GALNTL6: variants seen among roughly 807,000 people sequenced by gnomAD.
GALNTL6 encodes polypeptide N-acetylgalactosaminyltransferase like 6.
Under a neutral mutation model 73.7 loss-of-function variants are expected in GALNTL6, and 46 were observed. That is an observed-to-expected ratio of 0.62 (90% CI 0.49 to 0.80). GALNTL6 has a LOEUF of 0.80. Among genes scored for constraint, GALNTL6 ranks in the 30% least tolerant of loss-of-function variants. The probability of loss-of-function intolerance (pLI) is 0.00; values close to 1 mark genes in which losing one functional copy is unlikely to be tolerated. For missense variants in GALNTL6, 604 were observed against 755.0 expected (o/e 0.80, Z 2.34); for synonymous variants, 259 against 263.7 (o/e 0.98, Z 0.17).
intron 5 of GALNTL6, among the ~76,000 whole-genome samples, chr4:172,727,275 T>C (rs569154311): frequency 1.3e-5 from 2 of 152,310 alleles, no homozygotes; most frequent in South Asian, 4.1e-4. Context: ...TCTAAATTCA[T>C]CTGCAGAAAG....
At chr4:172,227,083 A>C (rs1246166560) in intron 2 of GALNTL6, among the ~76,000 whole-genome samples, 3 of 152,052 alleles carry the variant, frequency 2.0e-5, no homozygotes, top group Non-Finnish European at 2.9e-5. Flanking sequence ...ATTCATACTC[A>C]TGAGTGAAGT....
At chr4:172,334,489 C>A (rs1741239644) in intron 4 of GALNTL6, among the ~76,000 whole-genome samples, 1 of 152,018 alleles carries the variant, frequency 6.6e-6, no homozygotes, top group Non-Finnish European at 1.5e-5. Flanking sequence ...TTCTTAGCAT[C>A]TTTTTTACAG....
intron 5 of GALNTL6, among the ~76,000 whole-genome samples, chr4:172,628,092 T>TA (rs1256232266): frequency 2.6e-5 from 4 of 152,100 alleles, no homozygotes; most frequent in Non-Finnish European, 5.9e-5. Flanking sequence ...TATAGGAATA[T>TA]AAAAAAACTG....
chr4:172,748,838 T>C (rs955983771), intron 5 of GALNTL6, among the ~76,000 whole-genome samples: 2 of 152,246 alleles, frequency 1.3e-5, no homozygotes, highest in African/African-American at 4.8e-5. Context: ...CATTCCATAA[T>C]GTATACAGGT....
chr4:171,936,354 AT>A lies in GALNTL6; in HGVS notation c.138+121645del, dbSNP rs917180837. 5.4e-4 allele frequency among the ~76,000 whole-genome samples: 81 copies of A among 151,130 alleles called. 1 individual carries two copies. Among genetic ancestry groups the A allele is most frequent in the African/African-American group, 3.2e-4 (13 of 41,150 alleles). On this transcript the variant is annotated intron_variant, in intron 2 of 12. Transcript: ENST00000506823. ...CTTAATTGGAGGTGTCCTAGAAGCTATTTTTTTTTCTTCTGCTTTAGCTGTT... is the reference window on the plus strand; with the variant it reads ...CTTAATTGGAGGTGTCCTAGAAGCTATTTTTTTTCTTCTGCTTTAGCTGTT...
intron 5 of GALNTL6, among the ~76,000 whole-genome samples, chr4:172,639,507 T>C (rs989884908): frequency 2.6e-5 from 4 of 152,134 alleles, no homozygotes; most frequent in African/African-American, 9.7e-5. Context: ...GATTAAAAAA[T>C]ACATAAGCAA....
At chr4:172,183,164 A>C (rs560959556) in intron 2 of GALNTL6, among the ~76,000 whole-genome samples, 270 of 152,344 alleles carry the variant, frequency 1.8e-3, no homozygotes, top group African/African-American at 5.9e-3. Flanking sequence ...CAATCTGTGA[A>C]TATTATCAAA....
intron 2 of GALNTL6, among the ~76,000 whole-genome samples, chr4:171,950,178 C>A (rs769691695): frequency 6.6e-6 from 1 of 152,100 alleles, no homozygotes; most frequent in Non-Finnish European, 1.5e-5. Context: ...TAACAGTCAA[C>A]TTAGAATTGT....
chr4:171,837,263 A>G (rs921692743), intron 2 of GALNTL6, among the ~76,000 whole-genome samples: 81 of 152,290 alleles, frequency 5.3e-4, no homozygotes, highest in African/African-American at 1.8e-3. Context: ...AAGGGTTGGC[A>G]TCAGGAAAAT....
chr4:172,767,667 C>CTTTTTTTTTTT (rs1553986523), intron 5 of GALNTL6, among the ~76,000 whole-genome samples: 1 of 118,098 alleles, frequency 8.5e-6, no homozygotes, highest in Non-Finnish European at 1.7e-5. Context: ...GATTTTTTTT[C>CTTTTTTTTTTT]TTTTTTTTTT....
intron 8 of GALNTL6, among the ~76,000 whole-genome samples, chr4:172,902,361 TAATTAGG>T (rs1357646448): frequency 1.3e-5 from 2 of 152,166 alleles, no homozygotes; most frequent in Non-Finnish European, 2.9e-5. Flanking sequence ...CAATGAACAC[TAATTAGG>T]CACCCACAAG....
chr4:171,923,398 G>GTTTT (rs565298275), intron 2 of GALNTL6, among the ~76,000 whole-genome samples: 1,740 of 124,278 alleles, frequency 0.014, 75 homozygotes, highest in African/African-American at 0.043. Context: ...CCCTGACTTT[G>GTTTT]TTTTTTTTTT....
chr4:172,824,016 T>C (rs2111031648), intron 7 of GALNTL6, among the ~76,000 whole-genome samples: 1 of 152,206 alleles, frequency 6.6e-6, no homozygotes, highest in South Asian at 2.1e-4. Context: ...AAATCCATGC[T>C]CGAGAGCAGG....
At chr4:172,951,352 C>G (rs184321634) in intron 9 of GALNTL6, among the ~76,000 whole-genome samples, 3 of 152,214 alleles carry the variant, frequency 2.0e-5, no homozygotes, top group Non-Finnish European at 4.4e-5. Flanking sequence ...TACACTGAAT[C>G]CATACACTCT....
chr4:172,996,163 G>GACACAC (rs10658403), intron 10 of GALNTL6, among the ~76,000 whole-genome samples: 33 of 148,302 alleles, frequency 2.2e-4, no homozygotes, highest in African/African-American at 6.7e-4. Flanking sequence ...AAGAAAATGT[G>GACACAC]ACACACACAC....
chr4:172,930,201 A>T (rs1748258272), intron 8 of GALNTL6, among the ~76,000 whole-genome samples: 1 of 152,096 alleles, frequency 6.6e-6, no homozygotes, highest in Non-Finnish European at 1.5e-5. Context: ...TTGCCTGAAC[A>T]CAGGAGGCAG....
chr4:172,626,184 T>C (rs1232922668), intron 5 of GALNTL6, among the ~76,000 whole-genome samples: 1 of 152,096 alleles, frequency 6.6e-6, no homozygotes, highest in Non-Finnish European at 1.5e-5. Flanking sequence ...CGATCTTGAG[T>C]TCAATTTTAT....
chr4:172,623,995 A>G lies in GALNTL6; in HGVS notation c.554-185366A>G, dbSNP rs145016855. Among the ~76,000 whole-genome samples, 346 of 152,208 alleles carry G rather than the reference A, an allele frequency of 2.3e-3. 1 individual carries two copies. Among genetic ancestry groups the G allele is most frequent in the Admixed American group, 6.2e-3 (95 of 15,270 alleles). The stretch of plus-strand genomic sequence containing the variant: ...CCATTTAGAATTAATCATGGAACCT[A>G]TACAGTTTAGGATAATGTTTCCAAA... On this transcript the variant is annotated intron_variant, in intron 5 of 12. Coordinates refer to ENST00000506823, the MANE Select transcript of GALNTL6 (RefSeq NM_001034845.3).
intron 5 of GALNTL6, among the ~76,000 whole-genome samples, chr4:172,569,422 C>T (rs996773148): frequency 6.6e-6 from 1 of 152,140 alleles, no homozygotes; most frequent in African/African-American, 2.4e-5. Flanking sequence ...TGGGGGGACA[C>T]AAACATTTGT....
Sources: gnomAD v4.1 joint callset for allele counts (sites outside exome capture counted in the v4.1 genomes callset) on GRCh38, gnomAD v4.1.1 for gene constraint, MANE v1.5 for transcripts, NCBI Gene and HGNC (gene_info 2026-07-23, HGNC 2026-07-21) for gene names.